Variants in COL5A2 observed in about 807,000 individuals in gnomAD.
COL5A2 encodes collagen type V alpha 2 chain, also known as collagen alpha-2(V) chain.
COL5A2 carries 23 observed loss-of-function variants against 208.2 expected under a neutral mutation model. The ratio of observed to expected loss-of-function variants is 0.11; its 90% CI spans 0.08 to 0.16. The LOEUF is 0.16. COL5A2 is among the 10% of genes least tolerant of loss of function. COL5A2 has a pLI of 1.00. For synonymous variants in COL5A2, 625 were observed against 628.5 expected (o/e 0.99, Z 0.08); for missense variants, 1,590 against 1,956.4 (o/e 0.81, Z 3.53).
the COL5A2 span, among the ~76,000 whole-genome samples, chr2:189,310,611 A>G: frequency 2.0e-5 from 3 of 152,328 alleles, no homozygotes; most frequent in Admixed American, 2.0e-4. Flanking sequence ...GACCTTGAAG[A>G]GATAACTGCA....
At chr2:189,358,092 C>T in the COL5A2 span, among the ~76,000 whole-genome samples, 5 of 152,102 alleles carry the variant, frequency 3.3e-5, no homozygotes, top group Admixed American at 6.5e-5. Flanking sequence ...AAACCGGGTA[C>T]CTCAGTTGGA....
chr2:189,368,389 C>A, the COL5A2 span, among the ~76,000 whole-genome samples: 1 of 152,130 alleles, frequency 6.6e-6, no homozygotes, highest in Non-Finnish European at 1.5e-5. Flanking sequence ...ATACACCTCA[C>A]ACTGCACAAC....
the COL5A2 span, among the ~76,000 whole-genome samples, chr2:189,325,695 C>T: frequency 6.6e-6 from 1 of 152,240 alleles, no homozygotes; most frequent in East Asian, 1.9e-4. Flanking sequence ...TGTACTTATA[C>T]TTTCACTCTA....
At chr2:189,357,763 G>GAAAAAAA in the COL5A2 span, among the ~76,000 whole-genome samples, 2 of 124,004 alleles carry the variant, frequency 1.6e-5, no homozygotes, top group South Asian at 2.8e-4. Flanking sequence ...ACTCGGGTAT[G>GAAAAAAA]AAAAAAAAAA....
chr2:189,378,665 A>C, the COL5A2 span, among the ~76,000 whole-genome samples: 1 of 151,560 alleles, frequency 6.6e-6, no homozygotes, highest in Non-Finnish European at 1.5e-5. Flanking sequence ...CGGAGCTTGC[A>C]GTGAGCAGAG....
In COL5A2 at chr2:189,039,177, A is replaced by G. The variant is rs1685505018; in HGVS notation, c.3925+95T>C. The G allele has an allele frequency of 2.6e-5, 37 of 1,415,414 alleles. No individual in the cohort carries two copies. The South Asian group carries it at 3.8e-4, about 15-fold the overall frequency. The allele number at this position is 1,415,414 out of a possible 1,614,324, so 87.7% of individuals were successfully genotyped here. ...TTACTATTTTTATCTCAAATCTATCACTAAGTAGAAAGTCAGTAACATATT... is the reference window on the plus strand; with the variant it reads ...TTACTATTTTTATCTCAAATCTATCGCTAAGTAGAAAGTCAGTAACATATT... On this transcript the variant is annotated intron_variant, in intron 51 of 53. Transcript: ENST00000374866.
intron 1 of COL5A2, among the ~76,000 whole-genome samples, chr2:189,177,670 G>T (rs558338215): frequency 1.3e-5 from 2 of 151,960 alleles, no homozygotes; most frequent in Non-Finnish European, 2.9e-5. Flanking sequence ...TACTGTTCGC[G>T]GGGGGTACTG....
chr2:189,223,155 C>T (rs1015876449), intron 1 of COL5A2, among the ~76,000 whole-genome samples: 3 of 152,116 alleles, frequency 2.0e-5, no homozygotes, highest in Non-Finnish European at 1.5e-5. Context: ...CAATAAATTT[C>T]TTCAAATGAC....
At chr2:189,388,248 G>A in the COL5A2 span, among the ~76,000 whole-genome samples, 2 of 152,138 alleles carry the variant, frequency 1.3e-5, no homozygotes, top group African/African-American at 2.4e-5. Flanking sequence ...ACAAGGCAGG[G>A]AGTGCTAGAG....
intron 1 of COL5A2, among the ~76,000 whole-genome samples, chr2:189,214,531 T>C (rs1232990421): frequency 6.6e-6 from 1 of 152,174 alleles, no homozygotes; most frequent in Non-Finnish European, 1.5e-5. Flanking sequence ...AGTTTGTTTC[T>C]GGGAAGTGAA....
At chr2:189,085,374 T>G (rs1039543375) in intron 10 of COL5A2, among the ~76,000 whole-genome samples, 161 bp from the exon 11 acceptor site, 1 of 152,216 alleles carries the variant, frequency 6.6e-6, no homozygotes, top group Non-Finnish European at 1.5e-5. Flanking sequence ...TTATTAAAGT[T>G]TTGAATTTTA....
At chr2:189,100,768 T>C (rs1687031975) in intron 3 of COL5A2, among the ~76,000 whole-genome samples, 1 of 151,568 alleles carries the variant, frequency 6.6e-6, no homozygotes, top group Non-Finnish European at 1.5e-5. Flanking sequence ...ACTAAGAAAA[T>C]CAAAAACAAC....
the COL5A2 span, among the ~76,000 whole-genome samples, chr2:189,245,482 A>AT: frequency 0.02 from 2,434 of 124,104 alleles, 68 homozygotes; most frequent in African/African-American, 0.068. Context: ...TATACTCAAA[A>AT]TTTTTTTTTT....
chr2:189,209,765 C>T (rs1190607142), intron 1 of COL5A2, among the ~76,000 whole-genome samples: 1 of 152,134 alleles, frequency 6.6e-6, no homozygotes, highest in Non-Finnish European at 1.5e-5. Context: ...CTTTTAACTG[C>T]AATGGAAAAC....
At chr2:189,166,900 C>G in intron 1 of COL5A2, among the ~76,000 whole-genome samples, 1 of 152,010 alleles carries the variant, frequency 6.6e-6, no homozygotes, top group East Asian at 1.9e-4. Context: ...CCATGAGGCT[C>G]GGAAAGAAAA....
the COL5A2 span, among the ~76,000 whole-genome samples, chr2:189,382,502 A>T: frequency 0.044 from 6,628 of 152,304 alleles, 177 homozygotes; most frequent in African/African-American, 0.064. Context: ...AATTCTATTT[A>T]TGGAAGTTTT....
intron 1 of COL5A2, among the ~76,000 whole-genome samples, chr2:189,196,725 T>C (rs920969112): frequency 1.3e-5 from 2 of 152,074 alleles, no homozygotes; most frequent in African/African-American, 4.8e-5. Flanking sequence ...ATTAGAGAAA[T>C]GCAAATCAAA....
chr2:189,434,705 C>T, the COL5A2 span, among the ~76,000 whole-genome samples: 129,712 of 152,156 alleles, frequency 0.85, 56,477 homozygotes, highest in Non-Finnish European at 0.95. Context: ...AACCTTTCCA[C>T]GCTCATGGAG....
chr2:189,318,997 T>G, the COL5A2 span, among the ~76,000 whole-genome samples: 1 of 151,668 alleles, frequency 6.6e-6, no homozygotes, highest in Non-Finnish European at 1.5e-5. Context: ...TGTGGTACTG[T>G]GCCAAGAGAC....
Sources: gnomAD v4.1 joint callset for allele counts (sites outside exome capture counted in the v4.1 genomes callset) on GRCh38, gnomAD v4.1.1 for gene constraint, MANE v1.5 for transcripts, NCBI Gene and HGNC (gene_info 2026-07-23, HGNC 2026-07-21) for gene names.